Variants in CDH6 observed in about 807,000 individuals in gnomAD.
CDH6 encodes the protein cadherin-6.
Under a neutral mutation model 78.0 loss-of-function variants are expected in CDH6, and 31 were observed. The observed-to-expected ratio is 0.40, with a 90% CI of 0.30 to 0.54. The LOEUF (loss-of-function observed/expected upper bound fraction) is 0.54. Ranked by LOEUF, CDH6 falls within the 20% of genes least tolerant of loss-of-function variation. The pLI, the probability that CDH6 is intolerant of heterozygous loss-of-function variation, is 0.56. For missense variants in CDH6, 724 were observed against 975.9 expected (o/e 0.74, Z 3.44); for synonymous variants, 376 against 368.8 (o/e 1.02, Z -0.23).
intron 7 of CDH6, 82 bp downstream of exon 7, chr5:31,305,509 T>C: frequency 7.1e-7 from 1 of 1,411,558 alleles, no homozygotes. Flanking sequence ...TGAGAAAAGA[T>C]GAATCCCTTT....
chr5:31,321,654 C>T lies in CDH6; in HGVS notation c.1883-1164C>T, dbSNP rs1158145108. On this transcript the variant is annotated intron_variant, in intron 11 of 11. Transcript: ENST00000265071. ...TTTAATATATAGATACATGGGTGTG[C>T]CTACATCTATTATTATATAGGTAGT... Among the ~76,000 whole-genome samples the T allele has an allele frequency of 2.0e-5, 3 of 151,900 alleles. No homozygotes were observed. The East Asian group carries it at 5.8e-4, about 29-fold the overall frequency.
At chr5:31,316,423 T>C in intron 9 of CDH6, 94 bp downstream of exon 9, 1 of 1,120,012 alleles carries the variant, frequency 8.9e-7, no homozygotes, top group South Asian at 1.6e-5. Context: ...AGGAGAGTTG[T>C]GAATTATCTA....
At position 31,305,311 on chromosome 5, in the gene CDH6, G is replaced by A. The variant is rs1378844032; in HGVS notation, c.1137G>A (p.Glu379=). The part of the protein sequence containing the change: ...TVRIVVEDVD[E]PPVFSKLAYI... ...GAATTGTGGTGGAGGATGTAGATGA[G>A]CCACCTGTCTTCAGCAAACTGGCCT... is the stretch of plus-strand genomic sequence containing the variant. Residue 379 remains glutamate, a synonymous_variant, in exon 7 of 12, where the codon GAG becomes GAA. Coordinates refer to ENST00000265071, the MANE Select transcript of CDH6 (RefSeq NM_004932.4). The A allele has an allele frequency of 6.2e-7, 1 of 1,614,006 alleles. No individual in the cohort carries two copies. The highest frequency in any genetic ancestry group is 8.5e-7 in the Non-Finnish European group (1 of 1,180,010).
At chr5:31,292,194 T>C (rs1254628528) in intron 2 of CDH6, among the ~76,000 whole-genome samples, 4 of 152,214 alleles carry the variant, frequency 2.6e-5, no homozygotes, top group East Asian at 1.9e-4. Flanking sequence ...TCCCAAAGTA[T>C]CTTTTTTGGA....
At chr5:31,202,501 G>T (rs1309963633) in intron 1 of CDH6, among the ~76,000 whole-genome samples, 1 of 151,962 alleles carries the variant, frequency 6.6e-6, no homozygotes, top group Non-Finnish European at 1.5e-5. Flanking sequence ...GCCAGATATG[G>T]TGGCAGGCAC....
intron 1 of CDH6, among the ~76,000 whole-genome samples, chr5:31,237,541 C>T (rs1741485189): frequency 6.6e-6 from 1 of 152,172 alleles, no homozygotes; most frequent in Non-Finnish European, 1.5e-5. Flanking sequence ...ATCTGAGCCT[C>T]TCTCCATATA....
At position 31,324,294 on chromosome 5, in the gene CDH6, T is replaced by C. The variant is rs1462842376; in HGVS notation, c.*986T>C. 4.7e-6 allele frequency: 1 copy of C among 212,486 alleles called. No individual in the cohort carries two copies. Among genetic ancestry groups the C allele is most frequent in the East Asian group, 7.1e-5 (1 of 14,092 alleles). 13.2% of individuals were successfully genotyped at this position (212,486 alleles called of 1,614,324 possible). ...ACAATAATTCATATTCTTCATATCCTTCTTACACGACTAAGTTGAATTAGT... is the reference window on the plus strand; with the variant it reads ...ACAATAATTCATATTCTTCATATCCCTCTTACACGACTAAGTTGAATTAGT... On this transcript the variant is annotated 3_prime_UTR_variant, in exon 12 of 12. Transcript: ENST00000265071.
At chr5:31,218,834 G>A (rs996631858) in intron 1 of CDH6, among the ~76,000 whole-genome samples, 8 of 152,138 alleles carry the variant, frequency 5.3e-5, no homozygotes, top group Non-Finnish European at 1.0e-4. Context: ...TGCTTCAAAA[G>A]CTCCCGTGGT....
At chr5:31,205,264 T>C (rs1189551052) in intron 1 of CDH6, among the ~76,000 whole-genome samples, 2 of 152,218 alleles carry the variant, frequency 1.3e-5, no homozygotes, top group African/African-American at 4.8e-5. Context: ...AAATACACTT[T>C]TCTATCTCAT....
At chr5:31,274,626 C>G (rs972961245) in intron 2 of CDH6, among the ~76,000 whole-genome samples, 2 of 152,222 alleles carry the variant, frequency 1.3e-5, no homozygotes, top group Non-Finnish European at 2.9e-5. Context: ...TCGAGACCAG[C>G]CTGGCCAACA....
At chr5:31,229,910 T>G (rs2111850327) in intron 1 of CDH6, among the ~76,000 whole-genome samples, 1 of 152,330 alleles carries the variant, frequency 6.6e-6, no homozygotes, top group Admixed American at 6.5e-5. Context: ...GGCCAGTGAC[T>G]TGGATCCTGG....
At chr5:31,199,598 T>C (rs1256629493) in intron 1 of CDH6, among the ~76,000 whole-genome samples, 2 of 147,236 alleles carry the variant, frequency 1.4e-5, no homozygotes, top group Non-Finnish European at 3.0e-5. Context: ...CACACACATA[T>C]ATATATCATG....
At chr5:31,293,501 T>G (rs1737476606) in intron 2 of CDH6, among the ~76,000 whole-genome samples, 1 of 152,148 alleles carries the variant, frequency 6.6e-6, no homozygotes, top group African/African-American at 2.4e-5. Context: ...TATACCCAAG[T>G]CTCTCTGATT....
At chr5:31,305,066 G>T in intron 6 of CDH6, 108 bp from the exon 7 acceptor site, 1 of 1,076,030 alleles carries the variant, frequency 9.3e-7, no homozygotes, top group South Asian at 1.6e-5. Context: ...TAAGCAATAT[G>T]ATCGCATTCA....
At chr5:31,194,149 C>A (rs1740095707) in intron 1 of CDH6, among the ~76,000 whole-genome samples, 1 of 151,936 alleles carries the variant, frequency 6.6e-6, no homozygotes, top group African/African-American at 2.4e-5. Flanking sequence ...CTGGTAAGAC[C>A]GATCCGCCGT....
chr5:31,213,288 G>A (rs1182019824), intron 1 of CDH6, among the ~76,000 whole-genome samples: 2 of 152,226 alleles, frequency 1.3e-5, no homozygotes, highest in Non-Finnish European at 2.9e-5. Flanking sequence ...ACAAGTTGCA[G>A]ATATTCAAAT....
intron 1 of CDH6, among the ~76,000 whole-genome samples, chr5:31,212,921 A>G (rs968855225): frequency 1.3e-5 from 2 of 151,176 alleles, no homozygotes; most frequent in East Asian, 3.9e-4. Context: ...GCTATTCCCC[A>G]CTCCTATTTT....
intron 1 of CDH6, among the ~76,000 whole-genome samples, chr5:31,213,958 A>G (rs1740790736): frequency 6.6e-6 from 1 of 152,128 alleles, no homozygotes. Context: ...CATTGGCACC[A>G]TAGAAACAGC....
intron 1 of CDH6, among the ~76,000 whole-genome samples, chr5:31,224,175 A>G (rs1741080090): frequency 2.0e-5 from 3 of 152,252 alleles, no homozygotes; most frequent in African/African-American, 7.2e-5. Flanking sequence ...GAAGCAAGGA[A>G]GAACAAGTCA....
Sources: allele counts gnomAD v4.1 joint callset (sites outside exome capture counted in the v4.1 genomes callset), GRCh38; gene constraint gnomAD v4.1.1; transcripts MANE v1.5; gene names NCBI Gene and HGNC (gene_info 2026-07-23, HGNC 2026-07-21).